Variants in WDR49 observed in about 807,000 individuals in gnomAD.
The protein encoded by WDR49 is cilia- and flagella-associated protein 337.
In WDR49, 107 loss-of-function variants were observed where a neutral mutation model predicts 119.5. That is an observed-to-expected ratio of 0.90 (90% CI 0.77 to 1.05). The LOEUF is 1.05. Ranked by LOEUF, WDR49 falls within the 50% of genes least tolerant of loss-of-function variation. The pLI, the probability that WDR49 is intolerant of heterozygous loss-of-function variation, is 0.00. For missense variants in WDR49, 1,240 were observed against 1,220.5 expected (o/e 1.02, Z -0.24); for synonymous variants, 425 against 418.8 (o/e 1.01, Z -0.18).
intron 18 of WDR49, among the ~76,000 whole-genome samples, chr3:167,485,602 A>C (rs1341265471): frequency 6.6e-6 from 1 of 152,020 alleles, no homozygotes; most frequent in Non-Finnish European, 1.5e-5. Flanking sequence ...AATTTACTAC[A>C]AGGATTTTAT....
intron 2 of WDR49, among the ~76,000 whole-genome samples, chr3:167,644,180 G>C (rs966074142): frequency 6.6e-6 from 1 of 151,462 alleles, no homozygotes; most frequent in East Asian, 1.9e-4. Context: ...TGAGTATAAG[G>C]ACATAGTATC....
intron 7 of WDR49, among the ~76,000 whole-genome samples, chr3:167,577,944 T>G (rs1560294929): frequency 6.6e-6 from 1 of 152,156 alleles, no homozygotes; most frequent in Non-Finnish European, 1.5e-5. Flanking sequence ...TATAATTTAT[T>G]TGGGTACATA....
At chr3:167,539,133 T>C (rs2108250966) in intron 10 of WDR49, among the ~76,000 whole-genome samples, 1 of 152,290 alleles carries the variant, frequency 6.6e-6, no homozygotes, top group Admixed American at 6.5e-5. Context: ...TAAGGAAGAA[T>C]AATTTTCTAT....
rs563706797 is a variant in WDR49 at position 167,653,369 on chromosome 3, CTTTGGCCCAAGCTG to C, written c.43_56del (p.Gln15GlufsTer3). ...TTACACCTTCTGTTCTCTCAGGACT[CTTTGGCCCAAGCTG>C]TGACCCTATGTTTAACTCAAGTACA... On this transcript the variant is annotated frameshift_variant, in exon 2 of 19. Transcript: ENST00000682715. LOFTEE classifies it high-confidence loss of function. 476 of 1,535,934 alleles carry C rather than the reference CTTTGGCCCAAGCTG, an allele frequency of 3.1e-4. 4 individuals carry two copies. In the South Asian group the frequency reaches 5.5e-3, roughly 18 times the overall value.
chr3:167,600,753 T>C (rs2108304719), intron 7 of WDR49, among the ~76,000 whole-genome samples: 1 of 152,288 alleles, frequency 6.6e-6, no homozygotes, highest in East Asian at 1.9e-4. Context: ...ATGTGGAGGA[T>C]AAATAGGCAT....
intron 5 of WDR49, among the ~76,000 whole-genome samples, chr3:167,608,022 A>C (rs1716146478): frequency 6.6e-6 from 1 of 152,174 alleles, no homozygotes; most frequent in African/African-American, 2.4e-5. Context: ...GTTCCTATAA[A>C]GGAGAATCCT....
At chr3:167,583,293 T>TA (rs1036820934) in intron 7 of WDR49, among the ~76,000 whole-genome samples, 4 of 151,952 alleles carry the variant, frequency 2.6e-5, no homozygotes, top group Non-Finnish European at 5.9e-5. Context: ...CTAACAACTT[T>TA]AAAAAAAATC....
chr3:167,536,704 T>TATAG (rs1417816423), intron 11 of WDR49, among the ~76,000 whole-genome samples, 166 bp downstream of exon 11: 1 of 62,488 alleles, frequency 1.6e-5, no homozygotes, highest in South Asian at 4.3e-4. Flanking sequence ...TATATATATA[T>TATAG]ACACACACAT....
chr3:167,529,326 T>C (rs1483637570), intron 13 of WDR49, 87 bp from the exon 14 acceptor site: 1 of 1,287,364 alleles, frequency 7.8e-7, no homozygotes, highest in South Asian at 1.5e-5. Context: ...GTGGAAAGCA[T>C]GTGATGTTGA....
chr3:167,585,711 T>C (rs1232166555), intron 7 of WDR49, among the ~76,000 whole-genome samples: 2 of 151,854 alleles, frequency 1.3e-5, no homozygotes, highest in Non-Finnish European at 2.9e-5. Flanking sequence ...ATATATATAA[T>C]AACATTAAAT....
Position 167,479,012 on chromosome 3 carries a change from G to A in WDR49, c.3032-16C>T, listed in dbSNP as rs911951690. ...GCTTTCAAAGCTACAAAATGATGAGGAAAATCACAAGTGAATTATATTTGT... is the reference window on the plus strand; with the variant it reads ...GCTTTCAAAGCTACAAAATGATGAGAAAAATCACAAGTGAATTATATTTGT... On this transcript the variant is annotated splice_polypyrimidine_tract_variant and intron_variant, in intron 18 of 18. Coordinates refer to ENST00000682715, the MANE Select transcript of WDR49 (RefSeq NM_001366157.1). The A allele has an allele frequency of 1.3e-6, 2 of 1,529,934 alleles. No individual in the cohort carries two copies. Among genetic ancestry groups the A allele is most frequent in the South Asian group, 1.2e-5 (1 of 83,422 alleles). The allele number at this position is 1,529,934 out of a possible 1,614,324, so 94.8% of individuals were successfully genotyped here.
chr3:167,593,014 C>G (rs1715220462), intron 7 of WDR49, among the ~76,000 whole-genome samples: 1 of 152,156 alleles, frequency 6.6e-6, no homozygotes. Flanking sequence ...TTTTCTCTTA[C>G]TGCCCTTAGG....
chr3:167,485,355 TAAATAA>T (rs1750881559), intron 18 of WDR49, among the ~76,000 whole-genome samples: 1 of 149,590 alleles, frequency 6.7e-6, no homozygotes, highest in African/African-American at 2.5e-5. Flanking sequence ...GAACTCAAAG[TAAATAA>T]AAATAAAAAT....
At chr3:167,554,979 G>A (rs1199556057) in intron 9 of WDR49, among the ~76,000 whole-genome samples, 181 bp from the exon 10 acceptor site, 5 of 151,700 alleles carry the variant, frequency 3.3e-5, no homozygotes, top group East Asian at 1.9e-4. Context: ...CCCATTTCTC[G>A]GCACAATAAC....
intron 2 of WDR49, among the ~76,000 whole-genome samples, chr3:167,632,353 C>G (rs1717414484): frequency 6.6e-6 from 1 of 151,978 alleles, no homozygotes; most frequent in African/African-American, 2.4e-5. Flanking sequence ...AAGCAATGAA[C>G]TACATACTTT....
At chr3:167,611,283 T>C (rs1173764897) in intron 5 of WDR49, among the ~76,000 whole-genome samples, 1 of 152,156 alleles carries the variant, frequency 6.6e-6, no homozygotes, top group Non-Finnish European at 1.5e-5. Flanking sequence ...AAATAATGGG[T>C]TATAAGATAG....
intron 17 of WDR49, among the ~76,000 whole-genome samples, chr3:167,502,993 AG>A (rs936500101): frequency 8.5e-5 from 13 of 152,248 alleles, no homozygotes; most frequent in Non-Finnish European, 1.3e-4. Flanking sequence ...CCAAGACAAC[AG>A]AAAAAAGGCC....
At chr3:167,559,929 T>G in intron 9 of WDR49, 135 bp downstream of exon 9, 2 of 858,112 alleles carry the variant, frequency 2.3e-6, no homozygotes, top group Non-Finnish European at 3.4e-6. Context: ...TTGGAGTTAT[T>G]TCACTCTTAC....
intron 7 of WDR49, among the ~76,000 whole-genome samples, chr3:167,599,167 C>G (rs1715641319): frequency 6.6e-6 from 1 of 152,204 alleles, no homozygotes; most frequent in Non-Finnish European, 1.5e-5. Flanking sequence ...TCCTTCCCTT[C>G]AGGGCAGTTA....
Sources: gnomAD v4.1 joint callset for allele counts (sites outside exome capture counted in the v4.1 genomes callset) on GRCh38, gnomAD v4.1.1 for gene constraint, MANE v1.5 for transcripts, NCBI Gene and HGNC (gene_info 2026-07-23, HGNC 2026-07-21) for gene names.